Variants in ACSF2 observed in about 807,000 individuals in gnomAD.
ACSF2 encodes the protein medium-chain acyl-CoA ligase ACSF2, mitochondrial.
ACSF2 carries 52 observed loss-of-function variants against 79.3 expected under a neutral mutation model. The ratio of observed to expected loss-of-function variants is 0.66; its 90% CI spans 0.53 to 0.83. ACSF2 has a LOEUF of 0.83. ACSF2 is among the 40% of genes least tolerant of loss of function. The probability of loss-of-function intolerance (pLI) is 0.00; values close to 1 mark genes in which losing one functional copy is unlikely to be tolerated. For missense variants in ACSF2, 661 were observed against 803.3 expected, an observed-to-expected ratio of 0.82 and a Z score of 2.14; for synonymous variants, 283 against 312.6, an observed-to-expected ratio of 0.91 and a Z score of 1.00.
At chr17:50,468,498 G>A in intron 10 of ACSF2, 2 of 1,614,262 alleles carry the variant, frequency 1.2e-6, no homozygotes, top group Non-Finnish European at 8.5e-7. Flanking sequence ...TTATGGGACA[G>A]GTACAAGTAG....
intron 1 of ACSF2, among the ~76,000 whole-genome samples, chr17:50,426,603 A>C (rs1207092600): frequency 6.6e-6 from 1 of 152,172 alleles, no homozygotes; most frequent in Non-Finnish European, 1.5e-5. Context: ...TGGTGGCTGC[A>C]GTGACTTCGA....
chr17:50,465,201 C>T (rs368019346), intron 10 of ACSF2: 1 of 1,480,650 alleles, frequency 6.8e-7, no homozygotes, highest in Non-Finnish European at 9.2e-7. Flanking sequence ...GTCTGCCTGA[C>T]CCTCCAGGGC....
intron 1 of ACSF2, among the ~76,000 whole-genome samples, chr17:50,455,886 A>T (rs924972302): frequency 1.3e-5 from 2 of 152,102 alleles, no homozygotes; most frequent in African/African-American, 4.8e-5. Context: ...CTCACTTCCC[A>T]GGTGAGGAGT....
intron 1 of ACSF2, among the ~76,000 whole-genome samples, chr17:50,448,924 CT>C (rs2031472032): frequency 6.6e-6 from 1 of 151,516 alleles, no homozygotes; most frequent in Non-Finnish European, 1.5e-5. Flanking sequence ...ACACAAGTGA[CT>C]CCATTTTGAT....
chr17:50,429,775 C>T (rs538704864), intron 1 of ACSF2, among the ~76,000 whole-genome samples: 3 of 152,108 alleles, frequency 2.0e-5, no homozygotes, highest in Non-Finnish European at 2.9e-5. Context: ...GCCTCAGCCT[C>T]CTAAAGTGCT....
chr17:50,451,672 A>T (rs1169269355), intron 1 of ACSF2, among the ~76,000 whole-genome samples: 3 of 151,806 alleles, frequency 2.0e-5, no homozygotes, highest in Admixed American at 6.6e-5. Flanking sequence ...CTGACCTCGA[A>T]CTCCTGACCT....
At chr17:50,430,575 G>T (rs1300891792) in intron 1 of ACSF2, among the ~76,000 whole-genome samples, 1 of 152,202 alleles carries the variant, frequency 6.6e-6, no homozygotes, top group Non-Finnish European at 1.5e-5. Flanking sequence ...TGAGGCAGGA[G>T]AATCGCTTAA....
chr17:50,468,537 C>T (rs369956595), intron 10 of ACSF2: 3 of 1,614,102 alleles, frequency 1.9e-6, no homozygotes, highest in African/African-American at 1.3e-5. Flanking sequence ...CGGAAGGCAC[C>T]GGCGGCCACC....
At chr17:50,458,922 C>T (rs1053462131) in intron 1 of ACSF2, among the ~76,000 whole-genome samples, 2 of 152,188 alleles carry the variant, frequency 1.3e-5, no homozygotes. Context: ...TTCCCACCCA[C>T]GAAGAGCTAA....
rs368495939 is a variant in ACSF2 at position 50,471,156 on chromosome 17, C to T, written c.1323+21C>T. Reference sequence around the variant, plus strand: ...CGGAGGTGAGCCCCTGACCAAGACTCCAAAGTCCCACCTCCCGTCACCCAG... The same window carrying T: ...CGGAGGTGAGCCCCTGACCAAGACTTCAAAGTCCCACCTCCCGTCACCCAG... On this transcript the variant is annotated intron_variant, in intron 11 of 15. Transcript: ENST00000300441. The surrounding 1 kb of genome is among the most constrained non-coding windows in gnomAD (Gnocchi z 4.1). The T allele has an allele frequency of 6.2e-7, 1 of 1,604,208 alleles. No homozygotes were observed. Among genetic ancestry groups the T allele is most frequent in the Non-Finnish European group, 8.5e-7 (1 of 1,171,066 alleles).
intron 1 of ACSF2, among the ~76,000 whole-genome samples, chr17:50,441,573 G>T (rs181992471): frequency 6.6e-6 from 1 of 152,200 alleles, no homozygotes; most frequent in African/African-American, 2.4e-5. Context: ...TCCCAGGTTG[G>T]CTGTTTACAT....
chr17:50,433,404 T>C (rs1293219952), intron 1 of ACSF2, among the ~76,000 whole-genome samples: 2 of 152,156 alleles, frequency 1.3e-5, no homozygotes, highest in East Asian at 3.9e-4. Flanking sequence ...TCCTACTTCC[T>C]CAGCCTCCTG....
intron 6 of ACSF2, 140 bp downstream of exon 6, chr17:50,462,725 T>C: frequency 2.0e-6 from 2 of 1,012,884 alleles, no homozygotes; most frequent in Non-Finnish European, 2.8e-6. Context: ...CTCTCTGCCC[T>C]GGAAAATATC....
intron 1 of ACSF2, among the ~76,000 whole-genome samples, chr17:50,450,932 T>C (rs924430357): frequency 6.8e-6 from 1 of 147,342 alleles, no homozygotes; most frequent in African/African-American, 2.4e-5. Flanking sequence ...CATGTACGGG[T>C]TTTTGTTTGT....
rs185367767 is a variant in ACSF2, at chr17:50,440,132, G to T, written c.128+13743G>T. Among the ~76,000 whole-genome samples the T allele has an allele frequency of 5.9e-5, 9 of 151,848 alleles. No homozygotes were observed. In the South Asian group the frequency reaches 8.3e-4, roughly 14 times the overall value. On this transcript the variant is annotated intron_variant, in intron 1 of 15. Coordinates refer to ENST00000300441, the MANE Select transcript of ACSF2 (RefSeq NM_025149.6). ...GGACCTAGGGACCAGCCTCCCATGG[G>T]GGGTAAGGAGCAGAGGCCAGTCCAT...
chr17:50,470,903 C>T, intron 10 of ACSF2, 125 bp from the exon 11 acceptor site: 1 of 715,964 alleles, frequency 1.4e-6, no homozygotes, highest in Non-Finnish European at 2.4e-6. Context: ...GTCTCTGTTT[C>T]CACCATTCGG....
In ACSF2 at chr17:50,461,224, C is replaced by T. The variant is rs2032307383; in HGVS notation, c.325-18C>T. On this transcript the variant is annotated intron_variant, in intron 2 of 15. Coordinates refer to ENST00000300441, the MANE Select transcript of ACSF2 (RefSeq NM_025149.6). ...TGCTTGCCCCCTTTCACCCCTTGCG[C>T]CCCATCTTTTACACTAGGTGGACAA... 6.2e-7 allele frequency: 1 copy of T among 1,614,046 alleles called. No homozygotes were observed. The highest frequency in any genetic ancestry group is 8.5e-7 in the Non-Finnish European group (1 of 1,179,998).
At chr17:50,438,531 C>T (rs1014008634) in intron 1 of ACSF2, among the ~76,000 whole-genome samples, 2 of 152,050 alleles carry the variant, frequency 1.3e-5, no homozygotes, top group African/African-American at 4.8e-5. Flanking sequence ...GTTTGCTTTT[C>T]AGAACTTTGT....
Position 50,460,664 on chromosome 17 carries a change from C to T in ACSF2, c.129-13C>T, listed in dbSNP as rs758002982. ...ATCTGGGACAGTCAAACCCATAGCT[C>T]CTCTCCCTACAGTTCCAGAGAGGTG... On this transcript the variant is annotated splice_polypyrimidine_tract_variant and intron_variant, in intron 1 of 15. Coordinates refer to ENST00000300441, the MANE Select transcript of ACSF2 (RefSeq NM_025149.6). 5 of 1,604,974 alleles carry T rather than the reference C, an allele frequency of 3.1e-6. No individual in the cohort carries two copies. Among genetic ancestry groups the T allele is most frequent in the Middle Eastern group, 1.7e-4 (1 of 6,048 alleles).
Sources: allele counts gnomAD v4.1 joint callset (sites outside exome capture counted in the v4.1 genomes callset), GRCh38; gene constraint gnomAD v4.1.1; non-coding constraint Gnocchi (gnomAD v3.1); transcripts MANE v1.5; gene names NCBI Gene and HGNC (gene_info 2026-07-23, HGNC 2026-07-21).